Variants in TMEM132C observed in about 807,000 individuals in gnomAD.
TMEM132C encodes protein phosphatase 1, regulatory subunit 152.
TMEM132C carries 29 observed loss-of-function variants against 61.4 expected under a neutral mutation model. That is an observed-to-expected ratio of 0.47 (90% confidence interval 0.35 to 0.64). The LOEUF is 0.64. Among genes scored for constraint, TMEM132C ranks in the 30% least tolerant of loss-of-function variants. TMEM132C has a pLI of 0.00. For missense variants in TMEM132C, 1,408 were observed against 1,476.9 expected, an observed-to-expected ratio of 0.95 and a Z score of 0.76; for synonymous variants, 656 against 633.1, an observed-to-expected ratio of 1.04 and a Z score of -0.54.
intron 1 of TMEM132C, among the ~76,000 whole-genome samples, chr12:128,298,266 A>G (rs1871473980): frequency 6.6e-6 from 1 of 152,176 alleles, no homozygotes; most frequent in Non-Finnish European, 1.5e-5. Context: ...CAGGCTCTCC[A>G]GCCTCAGGTT....
intron 2 of TMEM132C, among the ~76,000 whole-genome samples, chr12:128,424,832 T>C (rs1869123714): frequency 6.6e-6 from 1 of 152,232 alleles, no homozygotes; most frequent in Non-Finnish European, 1.5e-5. Context: ...ATTCTACAGA[T>C]GGTTTTTCCA....
intron 2 of TMEM132C, among the ~76,000 whole-genome samples, chr12:128,474,646 A>G (rs1220066003): frequency 1.3e-5 from 2 of 152,212 alleles, no homozygotes; most frequent in Non-Finnish European, 2.9e-5. Flanking sequence ...GAGAACGTTC[A>G]TTGAAGTGGA....
At chr12:128,629,827 G>T (rs1174499765) in intron 4 of TMEM132C, among the ~76,000 whole-genome samples, 1 of 152,048 alleles carries the variant, frequency 6.6e-6, no homozygotes, top group African/African-American at 2.4e-5. Context: ...TTAGCTGGGC[G>T]TGGTGGTGCA....
chr12:128,699,945 A>G (rs944181694), intron 8 of TMEM132C, among the ~76,000 whole-genome samples: 1 of 152,204 alleles, frequency 6.6e-6, no homozygotes, highest in South Asian at 2.1e-4. Context: ...GGAAATCAAC[A>G]TGGTGTTTTC....
chr12:128,350,069 A>G (rs1873289309), intron 1 of TMEM132C, among the ~76,000 whole-genome samples: 2 of 152,218 alleles, frequency 1.3e-5, no homozygotes, highest in Non-Finnish European at 2.9e-5. Context: ...TTTTTATTTC[A>G]TTCAGAAAAA....
At chr12:128,426,551 C>T (rs902541981) in intron 2 of TMEM132C, among the ~76,000 whole-genome samples, 1 of 152,156 alleles carries the variant, frequency 6.6e-6, no homozygotes, top group Non-Finnish European at 1.5e-5. Flanking sequence ...AATTCATTTC[C>T]CCTGTTGAAT....
chr12:128,479,567 A>G (rs1333658385), intron 2 of TMEM132C, among the ~76,000 whole-genome samples: 1 of 152,224 alleles, frequency 6.6e-6, no homozygotes, highest in Non-Finnish European at 1.5e-5. Context: ...AGCCCAGTCC[A>G]GTCATGTTCG....
chr12:128,564,668 G>A (rs549248021), intron 3 of TMEM132C, among the ~76,000 whole-genome samples: 9 of 152,188 alleles, frequency 5.9e-5, no homozygotes, highest in East Asian at 1.9e-4. Flanking sequence ...CTTACATCTC[G>A]TACAACTCAG....
At chr12:128,599,039 G>A (rs1353720536) in intron 3 of TMEM132C, among the ~76,000 whole-genome samples, 1 of 142,922 alleles carries the variant, frequency 7.0e-6, no homozygotes, top group East Asian at 2.0e-4. Context: ...CAGTGGGAAG[G>A]AAAAAAGAAG....
At chr12:128,310,618 A>G (rs1485169383) in intron 1 of TMEM132C, among the ~76,000 whole-genome samples, 2 of 152,176 alleles carry the variant, frequency 1.3e-5, no homozygotes, top group East Asian at 3.9e-4. Flanking sequence ...GGAGATGAAC[A>G]AGCCATTCAT....
At chr12:128,506,442 A>G (rs1318696306) in intron 2 of TMEM132C, among the ~76,000 whole-genome samples, 1 of 152,212 alleles carries the variant, frequency 6.6e-6, no homozygotes, top group Non-Finnish European at 1.5e-5. Context: ...ATTTGCCATG[A>G]CTGCACGGCT....
chr12:128,421,659 A>G (rs1868992373), intron 2 of TMEM132C, among the ~76,000 whole-genome samples: 1 of 152,382 alleles, frequency 6.6e-6, no homozygotes, highest in African/African-American at 2.4e-5. Flanking sequence ...CACAAAGTGA[A>G]TTCAAAGGCA....
chr12:128,458,280 T>TAA (rs1182256420), intron 2 of TMEM132C, among the ~76,000 whole-genome samples: 1 of 90,964 alleles, frequency 1.1e-5, no homozygotes, highest in African/African-American at 4.3e-5. Context: ...AATTATAATA[T>TAA]TTAGTATTGT....
intron 1 of TMEM132C, among the ~76,000 whole-genome samples, chr12:128,319,031 A>G (rs923385059): frequency 7.2e-5 from 11 of 152,140 alleles, no homozygotes; most frequent in Non-Finnish European, 1.5e-4. Context: ...AATCCCTGTT[A>G]ACTCATATCC....
At position 128,415,222 on chromosome 12, in the gene TMEM132C, G is replaced by C; in HGVS notation, c.576G>C (p.Gly192=). 1 of 1,609,430 alleles carries C rather than the reference G, an allele frequency of 6.2e-7. No individual in the cohort carries two copies. The highest frequency in any genetic ancestry group is 2.2e-5 in the East Asian group (1 of 44,474). ...RGSCRLKGDL[G]LCVAELELLS... is the part of the protein sequence containing the mutation. Reference sequence around the variant, plus strand: ...GCTGCCGGCTGAAGGGGGACCTGGGGCTGTGTGTGGCTGAGCTGGAGCTCC... The same window carrying C: ...GCTGCCGGCTGAAGGGGGACCTGGGCCTGTGTGTGGCTGAGCTGGAGCTCC... The change falls in exon 2 of 9, where the codon GGG becomes GGC. Residue 192 remains glycine (G), a synonymous_variant. Coordinates refer to ENST00000435159, the MANE Select transcript of TMEM132C (RefSeq NM_001136103.3). This position sits in a 1 kb window ranked among gnomAD's most constrained non-coding sequence, Gnocchi z 5.8.
intron 2 of TMEM132C, among the ~76,000 whole-genome samples, chr12:128,484,022 A>G (rs920234640): frequency 8.6e-6 from 1 of 115,672 alleles, no homozygotes; most frequent in Admixed American, 8.2e-5. Context: ...GTCTCTTCCA[A>G]CTGCAGTTCA....
chr12:128,392,281 G>C (rs773051555), intron 1 of TMEM132C, among the ~76,000 whole-genome samples: 1 of 152,200 alleles, frequency 6.6e-6, no homozygotes, highest in Middle Eastern at 3.2e-3. Flanking sequence ...CCAGGCAGCC[G>C]AGTTTACAAG....
intron 2 of TMEM132C, among the ~76,000 whole-genome samples, chr12:128,517,336 G>A (rs1872755047): frequency 6.6e-6 from 1 of 152,126 alleles, no homozygotes; most frequent in Non-Finnish European, 1.5e-5. Context: ...TCGGGAGGCT[G>A]AGGTGGAGGA....
At chr12:128,525,940 A>T (rs886831480) in intron 2 of TMEM132C, among the ~76,000 whole-genome samples, 2 of 152,218 alleles carry the variant, frequency 1.3e-5, no homozygotes, top group Non-Finnish European at 2.9e-5. Flanking sequence ...CAGATGGCAG[A>T]CAATGGCACG....
Sources: allele counts gnomAD v4.1 joint callset (sites outside exome capture counted in the v4.1 genomes callset), GRCh38; gene constraint gnomAD v4.1.1; non-coding constraint Gnocchi (gnomAD v3.1); transcripts MANE v1.5; gene names NCBI Gene and HGNC (gene_info 2026-07-23, HGNC 2026-07-21).